SCFD2: variants seen among roughly 807,000 people sequenced by gnomAD.
SCFD2 encodes sec1 family domain-containing protein 2.
In SCFD2, 54 loss-of-function variants were observed where a neutral mutation model predicts 58.9. The observed-to-expected ratio is 0.92, with a 90% CI of 0.74 to 1.15. The LOEUF (loss-of-function observed/expected upper bound fraction) is 1.15, where lower values mean the gene tolerates loss of function less well. Ranked by LOEUF, SCFD2 falls within the 50% of genes most tolerant of loss-of-function variation. SCFD2 has a pLI of 0.00. For missense variants in SCFD2, 805 were observed against 836.6 expected, an observed-to-expected ratio of 0.96 and a Z score of 0.47; for synonymous variants, 321 against 335.9, an observed-to-expected ratio of 0.96 and a Z score of 0.49.
At chr4:53,180,524 C>A (rs1018037188) in intron 4 of SCFD2, among the ~76,000 whole-genome samples, 18 of 151,946 alleles carry the variant, frequency 1.2e-4, no homozygotes, top group Non-Finnish European at 2.6e-4. Flanking sequence ...AAATTTATAG[C>A]ACTAAATGCC....
intron 4 of SCFD2, among the ~76,000 whole-genome samples, chr4:53,263,136 G>C (rs1730876572): frequency 6.6e-6 from 1 of 151,736 alleles, no homozygotes; most frequent in Admixed American, 6.6e-5. Context: ...CTATTTCACT[G>C]AACATTTTTC....
At chr4:53,346,109 T>C (rs1734050188) in intron 2 of SCFD2, among the ~76,000 whole-genome samples, 1 of 118,760 alleles carries the variant, frequency 8.4e-6, no homozygotes, top group African/African-American at 2.9e-5. Flanking sequence ...TTTAAAAAAG[T>C]TTAAAAAATA....
At chr4:53,134,828 C>G (rs1459152077) in intron 5 of SCFD2, among the ~76,000 whole-genome samples, 1 of 152,208 alleles carries the variant, frequency 6.6e-6, no homozygotes, top group African/African-American at 2.4e-5. Context: ...TCAGTCAGTT[C>G]CTCATGCTGG....
chr4:53,248,951 C>T (rs578131705), intron 4 of SCFD2, among the ~76,000 whole-genome samples: 44 of 152,276 alleles, frequency 2.9e-4, no homozygotes, highest in East Asian at 9.6e-4. Context: ...CAAAGCTGGA[C>T]GGAGAATGAC....
chr4:53,018,407 A>T (rs1262491644), intron 5 of SCFD2, among the ~76,000 whole-genome samples: 6 of 152,212 alleles, frequency 3.9e-5, no homozygotes, highest in Non-Finnish European at 7.3e-5. Flanking sequence ...TCCAAATAAC[A>T]TGATATCCGA....
chr4:53,245,224 G>A (rs1203627154), intron 4 of SCFD2, among the ~76,000 whole-genome samples: 1 of 151,558 alleles, frequency 6.6e-6, no homozygotes, highest in Non-Finnish European at 1.5e-5. Context: ...TCAAAAAATT[G>A]AAAAGGAGGG....
At chr4:53,118,954 G>T (rs927678593) in intron 5 of SCFD2, among the ~76,000 whole-genome samples, 5 of 152,156 alleles carry the variant, frequency 3.3e-5, no homozygotes, top group Non-Finnish European at 5.9e-5. Flanking sequence ...ACTTAGTAGA[G>T]ACTTGAAATG....
At position 53,365,836 on chromosome 4, in the gene SCFD2, G is replaced by T. The variant is rs1436950746; in HGVS notation, c.106C>A (p.Leu36Met). The change falls in exon 1 of 9, where the codon CTG becomes ATG. Residue 36 changes from leucine (L) to methionine (M), a missense_variant. Physicochemically the swap from Leu to Met is conservative, Grantham distance 15 (BLOSUM62 2). Around this residue, in one of 3 missense-constraint regions of SCFD2, gnomAD observed 155 missense variants for 149.7 expected, o/e 1.04. Coordinates refer to ENST00000401642, the MANE Select transcript of SCFD2 (RefSeq NM_152540.4). This position sits in a 1 kb window ranked among gnomAD's most constrained non-coding sequence, Gnocchi z 4.3. Reference protein sequence around the residue: ...VYLDAACAESLHWGCGSTRLL... With the variant: ...VYLDAACAESMHWGCGSTRLL... ...CGGGTGGATCCGCAGCCCCAGTGCA[G>T]GCTCTCGGCGCAGGCGGCGTCCAGG... 3 of 1,613,760 alleles carry T rather than the reference G, an allele frequency of 1.9e-6. No individual in the cohort carries two copies. The highest frequency in any genetic ancestry group is 4.5e-5 in the East Asian group (2 of 44,884).
chr4:52,986,584 C>T (rs371781358), intron 5 of SCFD2, among the ~76,000 whole-genome samples: 4 of 149,232 alleles, frequency 2.7e-5, no homozygotes, highest in South Asian at 2.1e-4. Context: ...CTGCAAGCTC[C>T]GCCTCCCGGG....
At chr4:52,934,794 T>G (rs1720094332) in intron 5 of SCFD2, among the ~76,000 whole-genome samples, 2 of 152,230 alleles carry the variant, frequency 1.3e-5, no homozygotes, top group Admixed American at 1.3e-4. Flanking sequence ...AAACTGGAAT[T>G]AAATATCCAT....
chr4:53,340,827 G>A (rs1019755616), intron 2 of SCFD2, among the ~76,000 whole-genome samples: 28 of 152,312 alleles, frequency 1.8e-4, no homozygotes, highest in Non-Finnish European at 2.9e-4. Context: ...TGCAGCCTCC[G>A]CTGCTGATAC....
intron 4 of SCFD2, among the ~76,000 whole-genome samples, chr4:53,146,150 A>T (rs1247694789): frequency 1.3e-5 from 2 of 152,188 alleles, no homozygotes; most frequent in East Asian, 3.9e-4. Flanking sequence ...AGGGTTCAAA[A>T]TTTCTTTGAG....
intron 5 of SCFD2, among the ~76,000 whole-genome samples, chr4:53,044,451 C>T (rs1722975843): frequency 6.6e-6 from 1 of 151,632 alleles, no homozygotes; most frequent in South Asian, 2.1e-4. Context: ...AGAACCAAAT[C>T]AACAGACACT....
In SCFD2 at chr4:52,885,749, G is replaced by T; in HGVS notation, c.1960C>A (p.Gln654Lys). 1 of 1,613,772 alleles carries T rather than the reference G, an allele frequency of 6.2e-7. No homozygotes were observed. The highest frequency in any genetic ancestry group is 1.1e-5 in the South Asian group (1 of 91,042). Residue 654 changes from glutamine to lysine, a missense_variant and splice_region_variant, in exon 8 of 9, where the codon CAG becomes AAG. By Grantham distance (53) the Gln-to-Lys change is moderately conservative (BLOSUM62 1). This residue lies in a region of SCFD2 where 633 missense variants were observed against 646.8 expected (regional missense o/e 0.98). Transcript: ENST00000401642. Reference sequence around the variant, plus strand: ...TCAAAGCATGGAGGACTCAGTACCTGGGTTCCTGGCTTCAACGATGCCACA... The same window carrying T: ...TCAAAGCATGGAGGACTCAGTACCTTGGTTCCTGGCTTCAACGATGCCACA... Reference protein sequence around the residue: ...DLVASLKPGTQVIVLSTRLLK... With the variant: ...DLVASLKPGTKVIVLSTRLLK...
chr4:53,346,267 CTTT>C (rs1333991064), intron 2 of SCFD2, among the ~76,000 whole-genome samples: 3 of 135,464 alleles, frequency 2.2e-5, no homozygotes, highest in Non-Finnish European at 5.0e-5. Context: ...GGCCTCAAAT[CTTT>C]TTTTTTCTTT....
chr4:53,263,200 T>C (rs576673453), intron 4 of SCFD2, among the ~76,000 whole-genome samples: 60 of 152,300 alleles, frequency 3.9e-4, no homozygotes, highest in African/African-American at 1.4e-3. Context: ...TTCACCTTTC[T>C]CTGGCGTCTC....
At chr4:52,901,417 C>T (rs547322675) in intron 7 of SCFD2, among the ~76,000 whole-genome samples, 6 of 152,162 alleles carry the variant, frequency 3.9e-5, no homozygotes, top group Non-Finnish European at 8.8e-5. Flanking sequence ...GCACTTAAGG[C>T]TAGGCCATAA....
At chr4:53,224,823 T>C (rs1729153820) in intron 4 of SCFD2, among the ~76,000 whole-genome samples, 1 of 151,818 alleles carries the variant, frequency 6.6e-6, no homozygotes, top group Non-Finnish European at 1.5e-5. Flanking sequence ...CAGTATTTCT[T>C]CTACTTTATA....
At chr4:52,911,304 A>G (rs560500240) in intron 6 of SCFD2, among the ~76,000 whole-genome samples, 1 of 151,906 alleles carries the variant, frequency 6.6e-6, no homozygotes, top group East Asian at 1.9e-4. Flanking sequence ...GTAAGTAGGG[A>G]CACTAGGATC....
Sources: allele counts gnomAD v4.1 joint callset (sites outside exome capture counted in the v4.1 genomes callset), GRCh38; gene constraint gnomAD v4.1.1; regional missense constraint gnomAD v4.1.1; non-coding constraint Gnocchi (gnomAD v3.1); transcripts MANE v1.5; gene names NCBI Gene and HGNC (gene_info 2026-07-23, HGNC 2026-07-21).